THTPA: variants seen among roughly 807,000 people sequenced by gnomAD.
THTPA encodes the protein thiamine-triphosphatase.
THTPA carries 16 observed loss-of-function variants against 16.5 expected under a neutral mutation model. That is an observed-to-expected ratio of 0.97 (90% CI 0.66 to 1.47). THTPA has a LOEUF of 1.47. Ranked by LOEUF, THTPA falls within the 40% of genes most tolerant of loss-of-function variation. The probability of loss-of-function intolerance (pLI) is 0.00; values close to 1 mark genes in which losing one functional copy is unlikely to be tolerated. For synonymous variants in THTPA, 110 were observed against 115.5 expected (o/e 0.95, Z 0.30); for missense variants, 281 against 280.9 (o/e 1.00, Z 0.00).
the THTPA span, chr14:23,530,101 G>T: frequency 6.5e-7 from 1 of 1,533,752 alleles, no homozygotes; most frequent in Non-Finnish European, 8.7e-7. Flanking sequence ...GGACTGGGGG[G>T]AAGGGAGGGA....
chr14:23,552,804 C>T (rs576905554), upstream of THTPA, among the ~76,000 whole-genome samples: 3 of 151,732 alleles, frequency 2.0e-5, no homozygotes, highest in Non-Finnish European at 2.9e-5. Context: ...GTTTCACCAT[C>T]TTAGCCAGGC....
At chr14:23,534,976 G>T in the THTPA span, 1 of 1,536,182 alleles carries the variant, frequency 6.5e-7, no homozygotes, top group Non-Finnish European at 8.7e-7. The surrounding 1 kb of genome is among the most constrained non-coding windows in gnomAD (Gnocchi z 4.5). Context: ...ACCTCCAGCT[G>T]TGAAGAATAA....
chr14:23,523,678 G>A, the THTPA span: 3 of 1,539,412 alleles, frequency 1.9e-6, no homozygotes, highest in Non-Finnish European at 2.6e-6. The surrounding 1 kb of genome is among the most constrained non-coding windows in gnomAD (Gnocchi z 4.1). Context: ...TGGTGGGGGT[G>A]CGGTAAGCTT....
the THTPA span, chr14:23,530,266 A>C: frequency 3.5e-6 from 4 of 1,141,022 alleles, no homozygotes; most frequent in African/African-American, 1.6e-5. Flanking sequence ...GGACAGAGGA[A>C]GCAGGACAAG....
At chr14:23,533,293 G>A in the THTPA span, 5 of 1,436,902 alleles carry the variant, frequency 3.5e-6, no homozygotes, top group South Asian at 7.4e-5. This position sits in a 1 kb window ranked among gnomAD's most constrained non-coding sequence, Gnocchi z 4.8. Flanking sequence ...ACCGGATGTG[G>A]GGAACTTGCG....
the THTPA span, among the ~76,000 whole-genome samples, chr14:23,541,435 G>A: frequency 2.8e-4 from 42 of 151,900 alleles, no homozygotes; most frequent in South Asian, 8.8e-3. Flanking sequence ...CTATAGGCAG[G>A]CTCCACCACG....
At chr14:23,541,771 C>CT in the THTPA span, among the ~76,000 whole-genome samples, 1 of 152,014 alleles carries the variant, frequency 6.6e-6, no homozygotes, top group Non-Finnish European at 1.5e-5. Context: ...TTCTTTTTTT[C>CT]TTTTTTCCAA....
chr14:23,554,752 C>G (rs1480346519), upstream of THTPA, among the ~76,000 whole-genome samples: 2 of 151,996 alleles, frequency 1.3e-5, no homozygotes, highest in African/African-American at 4.8e-5. Context: ...CATGTATTTC[C>G]AGAAACATAC....
In THTPA at chr14:23,560,015, C is replaced by T. The variant is rs746537173; in HGVS notation, c.*1175C>T. 18 of 1,608,988 alleles carry T rather than the reference C, an allele frequency of 1.1e-5. No homozygotes were observed. The Admixed American group carries it at 1.8e-4, about 16-fold the overall frequency. On this transcript the variant is annotated 3_prime_UTR_variant, in exon 2 of 2. Transcript: ENST00000288014. ...GCTGGAACTGTGTTCCCACTGGGGG[C>T]CTGCAGCTGCAGCTGGAGACTCTGA...
At chr14:23,522,337 G>A in the THTPA span, 19 of 1,534,740 alleles carry the variant, frequency 1.2e-5, no homozygotes, top group South Asian at 2.3e-4. Context: ...GGTAGCGATG[G>A]GTTACATCCA....
chr14:23,534,019 C>T, the THTPA span: 16 of 1,536,608 alleles, frequency 1.0e-5, no homozygotes, highest in Non-Finnish European at 1.4e-5. This position sits in a 1 kb window ranked among gnomAD's most constrained non-coding sequence, Gnocchi z 4.5. Context: ...GCTGGACAGG[C>T]TGAGGCCCTG....
chr14:23,517,005 C>T, the THTPA span, among the ~76,000 whole-genome samples: 1 of 152,174 alleles, frequency 6.6e-6, no homozygotes, highest in Non-Finnish European at 1.5e-5. Flanking sequence ...CACCTTTCCC[C>T]CTCTTCTTGG....
the THTPA span, among the ~76,000 whole-genome samples, chr14:23,518,992 G>A: frequency 8.5e-5 from 13 of 152,210 alleles, no homozygotes; most frequent in Admixed American, 8.5e-4. The surrounding 1 kb of genome is among the most constrained non-coding windows in gnomAD (Gnocchi z 4.5). Flanking sequence ...CAGGAAGCAT[G>A]TTAATTGACC....
the THTPA span, chr14:23,533,713 C>A: frequency 6.5e-7 from 1 of 1,545,360 alleles, no homozygotes. This position sits in a 1 kb window ranked among gnomAD's most constrained non-coding sequence, Gnocchi z 4.8. Flanking sequence ...CGCCTGGAAG[C>A]CCTGTAGGTT....
the THTPA span, chr14:23,527,627 A>C: frequency 6.5e-7 from 1 of 1,536,490 alleles, no homozygotes. Flanking sequence ...TTCTCAACGC[A>C]CTCGGGCACC....
At chr14:23,511,853 T>A in the THTPA span, 1 of 152,164 alleles carries the variant, frequency 6.6e-6, no homozygotes, top group Non-Finnish European at 1.5e-5. Flanking sequence ...TGGCTGAGTC[T>A]TAATTTGGGT....
chr14:23,558,261 C>G (rs73589288), intron 1 of THTPA, among the ~76,000 whole-genome samples: 4,774 of 152,316 alleles, frequency 0.031, 269 homozygotes, highest in African/African-American at 0.11. Context: ...TAGCTTCCCT[C>G]CTCTTCTTTC....
the THTPA span, chr14:23,522,620 C>T: frequency 3.9e-6 from 6 of 1,533,320 alleles, no homozygotes; most frequent in Non-Finnish European, 4.4e-6. Flanking sequence ...TGCTGTTCCC[C>T]CAGCAGGGGG....
chr14:23,520,530 T>G, the THTPA span, among the ~76,000 whole-genome samples: 1 of 152,048 alleles, frequency 6.6e-6, no homozygotes, highest in Non-Finnish European at 1.5e-5. The surrounding 1 kb of genome is among the most constrained non-coding windows in gnomAD (Gnocchi z 8.7). Context: ...CCAAGATACT[T>G]TTGGTGACAC....
Sources: allele counts gnomAD v4.1 joint callset (sites outside exome capture counted in the v4.1 genomes callset), GRCh38; gene constraint gnomAD v4.1.1; non-coding constraint Gnocchi (gnomAD v3.1); transcripts MANE v1.5; gene names NCBI Gene and HGNC (gene_info 2026-07-23, HGNC 2026-07-21).